Variants in ELL3 observed in about 807,000 individuals in gnomAD.
ELL3 encodes the protein elongation factor for RNA polymerase II 3.
Under a neutral mutation model 58.5 loss-of-function variants are expected in ELL3, and 48 were observed. The observed-to-expected ratio is 0.82, with a 90% CI of 0.65 to 1.04. The LOEUF (loss-of-function observed/expected upper bound fraction) is 1.04. ELL3 is among the 50% of genes least tolerant of loss of function. The pLI is 0.00. For synonymous variants in ELL3, 174 were observed against 173.2 expected, an observed-to-expected ratio of 1.00 and a Z score of -0.04; for missense variants, 458 against 478.4, an observed-to-expected ratio of 0.96 and a Z score of 0.40.
At position 43,776,528 on chromosome 15, in the gene ELL3, G is replaced by C. The variant is rs1409491688; in HGVS notation, c.149C>G (p.Ala50Gly). The C allele has an allele frequency of 3.2e-6, 5 of 1,567,918 alleles. No homozygotes were observed. In the South Asian group the frequency reaches 5.8e-5, roughly 18 times the overall value. ...ACTTACCCCTCGGTGGCCTTGGAAA[G>C]CAATCACCGGCCGTACCTGCGGGGA... ...CQRQQVRPVIAFQGHRGYLRL... is the reference protein window; with the variant it reads ...CQRQQVRPVIGFQGHRGYLRL... The change falls in exon 2 of 11, where the codon GCT becomes GGT. Residue 50 changes from alanine to glycine, a missense_variant. Ala to Gly is a moderately conservative substitution (Grantham distance 60). Coordinates refer to ENST00000319359, the MANE Select transcript of ELL3 (RefSeq NM_025165.3).
Position 43,773,019 on chromosome 15 carries a change from G to T in ELL3, c.*97C>A. ...TTGCCACCATGGACTCCAGTGGTCA[G>T]CATAAGAAAAGCAGATAGTTGCATT... On this transcript the variant is annotated 3_prime_UTR_variant, in exon 11 of 11. Coordinates refer to ENST00000319359, the MANE Select transcript of ELL3 (RefSeq NM_025165.3). 2 of 1,175,848 alleles carry T rather than the reference G, an allele frequency of 1.7e-6. No individual in the cohort carries two copies. Among genetic ancestry groups the T allele is most frequent in the Non-Finnish European group, 1.2e-6 (1 of 826,682 alleles). 72.8% of individuals were successfully genotyped at this position (1,175,848 alleles called of 1,614,324 possible).
rs1219388673 is a variant in ELL3 at position 43,774,494 on chromosome 15, T to C, written c.848A>G (p.Asp283Gly). ...AACTCACAGGAGGTAGTCTGGTATA[T>C]CTTCAGGACTTGGGGATTCAGAATC... The part of the protein sequence containing the change: ...QEDSESPSPE[D>G]IPDYLLQYRA... The change falls in exon 8 of 11, where the codon GAT becomes GGT. Residue 283 changes from aspartate (D) to glycine (G), a missense_variant. Coordinates refer to ENST00000319359, the MANE Select transcript of ELL3 (RefSeq NM_025165.3). The C allele has an allele frequency of 6.2e-7, 1 of 1,614,220 alleles. No individual in the cohort carries two copies. Among genetic ancestry groups the C allele is most frequent in the Admixed American group, 1.7e-5 (1 of 60,016 alleles).
chr15:43,775,172 A>G, intron 6 of ELL3, 134 bp downstream of exon 6: 1 of 841,312 alleles, frequency 1.2e-6, no homozygotes, highest in Non-Finnish European at 1.8e-6. Flanking sequence ...CTTGTCTCTA[A>G]AAAAATTCCT....
At position 43,773,131 on chromosome 15, in the gene ELL3, C is replaced by G. The variant is rs763733914; in HGVS notation, c.1179G>C (p.Lys393Asn). The part of the protein sequence containing the change: ...IKGLILEFEE[K>N]NRGS ...CTTGATAACTTCAGCTGCCCCTGTT[C>G]TTTTCCTCAAACTCCAGGATGAGAC... The change falls in exon 11 of 11, where the codon AAG (lysine) becomes AAC (asparagine). Residue 393 changes from lysine (K) to asparagine (N), a missense_variant. Physicochemically the swap from Lys to Asn is moderately conservative, Grantham distance 94. Coordinates refer to ENST00000319359, the MANE Select transcript of ELL3 (RefSeq NM_025165.3). The G allele has an allele frequency of 3.1e-6, 5 of 1,608,454 alleles. No homozygotes were observed. The highest frequency in any genetic ancestry group is 4.2e-6 in the Non-Finnish European group (5 of 1,178,400).
chr15:43,773,927 AAG>A (rs369318325), intron 9 of ELL3, among the ~76,000 whole-genome samples: 73 of 152,076 alleles, frequency 4.8e-4, no homozygotes, highest in African/African-American at 1.7e-3. Context: ...GCTTTAGCCT[AAG>A]AGGTGGAGGT....
Position 43,774,177 on chromosome 15 carries a change from C to A in ELL3, c.1038+5G>T. ...CTGGAAAGCCAGGCTGGGTCCTGTC[C>A]TTACCTTGTATTCTGGAGTTCCTCG... is the stretch of plus-strand genomic sequence containing the variant. On this transcript the variant is annotated splice_donor_5th_base_variant and intron_variant, in intron 9 of 10. Transcript: ENST00000319359. 6.2e-7 allele frequency: 1 copy of A among 1,614,066 alleles called. No homozygotes were observed. Among genetic ancestry groups the A allele is most frequent in the Non-Finnish European group, 8.5e-7 (1 of 1,179,960 alleles).
chr15:43,774,886 C>G, intron 6 of ELL3, 113 bp from the exon 7 acceptor site: 1 of 1,192,432 alleles, frequency 8.4e-7, no homozygotes, highest in South Asian at 1.7e-5. Context: ...TAATCCTGAC[C>G]GTTTCAGAGG....
At chr15:43,774,445 TTGA>T in intron 8 of ELL3, 28 bp downstream of exon 8, 1 of 1,613,970 alleles carries the variant, frequency 6.2e-7, no homozygotes, top group Non-Finnish European at 8.5e-7. Flanking sequence ...TGAACAAGTC[TTGA>T]TGAAATTGGA....
intron 9 of ELL3, among the ~76,000 whole-genome samples, chr15:43,773,710 AAGAG>A (rs374712824): frequency 4.0e-5 from 6 of 151,356 alleles, no homozygotes; most frequent in Non-Finnish European, 7.4e-5. Flanking sequence ...AGAAAAAAAA[AAGAG>A]AGAGGGGCCA....
rs749745166 is a variant in ELL3 at position 43,775,733 on chromosome 15, C to T, written c.472G>A (p.Ala158Thr). The part of the protein sequence containing the change: ...EGDAVSQPQM[A>T]LEEVSVSDPL... ...CTGGCCTCACCCACCTCCTCTAGTGCCATCTGTGGCTGTGATACTGCATCT... is the reference window on the plus strand; with the variant it reads ...CTGGCCTCACCCACCTCCTCTAGTGTCATCTGTGGCTGTGATACTGCATCT... The change falls in exon 4 of 11, where the codon GCA (alanine) becomes ACA (threonine). Residue 158 changes from alanine to threonine, a missense_variant. Transcript: ENST00000319359. 6.2e-6 allele frequency: 10 copies of T among 1,614,090 alleles called. No homozygotes were observed. In the South Asian group the frequency reaches 7.7e-5, roughly 12 times the overall value.
intron 6 of ELL3, 131 bp from the exon 7 acceptor site, chr15:43,774,904 G>C (rs118091134): frequency 6.0e-6 from 6 of 998,628 alleles, no homozygotes; most frequent in African/African-American, 4.9e-5. Context: ...AGGCTCAGGT[G>C]GGGGGATCGC....
chr15:43,773,372 G>A, intron 9 of ELL3, 24 bp from the exon 10 acceptor site: 3 of 1,613,656 alleles, frequency 1.9e-6, no homozygotes, highest in Non-Finnish European at 1.7e-6. Context: ...TACTAGCACT[G>A]AGTTCAACAT....
rs573886443 is a variant in ELL3 at position 43,776,076 on chromosome 15, C to T, written c.244G>A (p.Gly82Ser). Residue 82 changes from glycine to serine, a missense_variant, in exon 3 of 11, where the codon GGT becomes AGT. Transcript: ENST00000319359. ...TGGCACACAAGGTCCAAGCTACCACCAGCGCCCTCCTGACAACACTGGGAC... is the reference window on the plus strand; with the variant it reads ...TGGCACACAAGGTCCAAGCTACCACTAGCGCCCTCCTGACAACACTGGGAC... ...IVSQCCQEGA[G>S]GSLDLVCQRF... 6.2e-7 allele frequency: 1 copy of T among 1,614,180 alleles called. No individual in the cohort carries two copies. Among genetic ancestry groups the T allele is most frequent in the South Asian group, 1.1e-5 (1 of 91,080 alleles).
At position 43,776,774 on chromosome 15, in the gene ELL3, T is replaced by A. The variant is rs1303054529; in HGVS notation, c.128A>T (p.Gln43Leu). ...GAAGAAGGGGGCCGGCCGTACCTGT[T>A]GCCGCTGACACTCTTGCAGCGCCCG... ...ALRALQECQR[Q>L]QVRPVIAFQG... Residue 43 changes from glutamine (Q) to leucine (L), a missense_variant, in exon 1 of 11, where the codon CAA becomes CTA. Transcript: ENST00000319359. The A allele has an allele frequency of 1.9e-6, 3 of 1,604,430 alleles. No homozygotes were observed. The highest frequency in any genetic ancestry group is 2.6e-6 in the Non-Finnish European group (3 of 1,173,686).
Position 43,775,347 on chromosome 15 carries a change from G to C in ELL3, c.604C>G (p.Gln202Glu). 6.2e-7 allele frequency: 1 copy of C among 1,613,676 alleles called. No individual in the cohort carries two copies. The highest frequency in any genetic ancestry group is 8.5e-7 in the Non-Finnish European group (1 of 1,179,598). ...QTHVPNREPV[Q>E]ALPSSASRKR... ...CGGCTGGCAGAGGAAGGCAGTGCCTGAACAGGTTCTCTGTTTGGAACATGG... is the reference window on the plus strand; with the variant it reads ...CGGCTGGCAGAGGAAGGCAGTGCCTCAACAGGTTCTCTGTTTGGAACATGG... The change falls in exon 6 of 11, where the codon CAG becomes GAG. Residue 202 changes from glutamine to glutamate, a missense_variant. Coordinates refer to ENST00000319359, the MANE Select transcript of ELL3 (RefSeq NM_025165.3).
At chr15:43,773,510 G>A (rs1038874025) in intron 9 of ELL3, among the ~76,000 whole-genome samples, 162 bp from the exon 10 acceptor site, 1 of 151,774 alleles carries the variant, frequency 6.6e-6, no homozygotes, top group African/African-American at 2.4e-5. Flanking sequence ...AGTGAAACCC[G>A]TCTCTACTAA....
chr15:43,774,659 CTT>C lies in ELL3; in HGVS notation c.758_759del (p.Glu253GlyfsTer7). On this transcript the variant is annotated frameshift_variant, in exon 7 of 11. Transcript: ENST00000319359. LOFTEE classifies it high-confidence loss of function. ...GLTNQDLQEG[E>X]DWEQEDEDMD... is the part of the protein sequence containing the mutation. ...ATGTCCTCATCTTCTTGCTCCCAAT[CTT>C]CTCCCTCTTGTAAATCCTGATTGGT... The C allele has an allele frequency of 3.7e-6, 6 of 1,614,198 alleles. No homozygotes were observed. The highest frequency in any genetic ancestry group is 5.1e-6 in the Non-Finnish European group (6 of 1,180,040).
At chr15:43,774,423 T>C (rs2086899794) in intron 8 of ELL3, 53 bp downstream of exon 8, 13 of 1,613,630 alleles carry the variant, frequency 8.1e-6, no homozygotes, top group Non-Finnish European at 1.1e-5. Context: ...CCAGGAAGTG[T>C]ATCTTAATAT....
Position 43,776,154 on chromosome 15 carries a change from G to A in ELL3, c.169-3C>T. On this transcript the variant is annotated splice_region_variant and splice_polypyrimidine_tract_variant and intron_variant, in intron 2 of 10. Transcript: ENST00000319359. ...CCAGGGCCTGGGAGTCTCAGATACT[G>A]GGGGTGGAAGGAGACGGTAAGCCCC... 6.2e-7 allele frequency: 1 copy of A among 1,612,650 alleles called. No homozygotes were observed.
Sources: gnomAD v4.1 joint callset for allele counts (sites outside exome capture counted in the v4.1 genomes callset) on GRCh38, gnomAD v4.1.1 for gene constraint, MANE v1.5 for transcripts, NCBI Gene and HGNC (gene_info 2026-07-23, HGNC 2026-07-21) for gene names.